The following PRELID2 variants were observed in gnomAD, a reference collection of about 807,000 sequenced individuals.
PRELID2 encodes the protein PRELI domain containing 2, also known as PRELI domain-containing protein 2.
A neutral mutation model predicts 28.4 loss-of-function variants in PRELID2; 25 were observed. The ratio of observed to expected loss-of-function variants is 0.88; its 90% CI spans 0.64 to 1.23. The LOEUF (loss-of-function observed/expected upper bound fraction) is 1.23. Among genes scored for constraint, PRELID2 ranks in the 50% most tolerant of loss-of-function variants. The pLI is 0.00. For missense variants in PRELID2, 201 were observed against 214.4 expected, an observed-to-expected ratio of 0.94 and a Z score of 0.39; for synonymous variants, 76 against 71.6, an observed-to-expected ratio of 1.06 and a Z score of -0.31.
At chr5:145,403,355 T>C in the PRELID2 span, among the ~76,000 whole-genome samples, 1 of 152,104 alleles carries the variant, frequency 6.6e-6, no homozygotes, top group Non-Finnish European at 1.5e-5. Flanking sequence ...CTGGGCAACA[T>C]AGTGAGACCC....
At chr5:145,595,161 GACACACACACACACAC>G (rs3038287) in intron 1 of PRELID2, among the ~76,000 whole-genome samples, 8 of 131,192 alleles carry the variant, frequency 6.1e-5, no homozygotes, top group East Asian at 2.2e-4. Flanking sequence ...AGTCATAATA[GACACACACACACACAC>G]ACACACACAC....
the PRELID2 span, among the ~76,000 whole-genome samples, chr5:145,336,501 GT>G: frequency 6.6e-6 from 1 of 151,902 alleles, no homozygotes; most frequent in Non-Finnish European, 1.5e-5. Flanking sequence ...TGGCTAGCCA[GT>G]TTTCCCAGCA....
At chr5:145,666,724 G>A (rs1276715965) in intron 1 of PRELID2, among the ~76,000 whole-genome samples, 2 of 152,046 alleles carry the variant, frequency 1.3e-5, no homozygotes, top group African/African-American at 4.8e-5. Context: ...TCCTCATTCT[G>A]TGAAGCAATT....
chr5:145,275,707 G>T, the PRELID2 span, among the ~76,000 whole-genome samples: 1 of 152,096 alleles, frequency 6.6e-6, no homozygotes, highest in Admixed American at 6.6e-5. Flanking sequence ...CTTTATTGGT[G>T]CATTGGGAGG....
intron 5 of PRELID2, among the ~76,000 whole-genome samples, chr5:145,769,552 G>T (rs935523743): frequency 1.3e-5 from 2 of 152,214 alleles, no homozygotes; most frequent in African/African-American, 4.8e-5. Context: ...TATGTAGGAG[G>T]CTTGGAAGAG....
At position 145,760,123 on chromosome 5, in the gene PRELID2, G is replaced by T. The variant is rs542944272; in HGVS notation, c.*413C>A. The T allele has an allele frequency of 1.5e-4, 23 of 152,120 alleles. No individual in the cohort carries two copies. The highest frequency in any genetic ancestry group is 5.3e-4 in the African/African-American group (22 of 41,492). The allele number at this position is 152,120 out of a possible 1,614,324, so 9.4% of individuals were successfully genotyped here. A position where few individuals can be genotyped will look rare whatever the true frequency, so the allele number is the denominator to read the frequency against. ...TCCAGAATCCCCTCACGAATCCTAG[G>T]AACAACGGTGCTGATAACATAAGGG... is the stretch of plus-strand genomic sequence containing the variant. On this transcript the variant is annotated 3_prime_UTR_variant, in exon 7 of 7. Coordinates refer to ENST00000683046, the MANE Select transcript of PRELID2 (RefSeq NM_205846.3).
At chr5:145,597,911 A>C (rs1753332996) in intron 1 of PRELID2, among the ~76,000 whole-genome samples, 1 of 152,200 alleles carries the variant, frequency 6.6e-6, no homozygotes, top group African/African-American at 2.4e-5. Flanking sequence ...GGAGATTTAT[A>C]AGCTATTTTC....
At chr5:145,541,778 T>C (rs1019636796) in intron 1 of PRELID2, among the ~76,000 whole-genome samples, 1 of 152,052 alleles carries the variant, frequency 6.6e-6, no homozygotes, top group African/African-American at 2.4e-5. Flanking sequence ...GGCTTTTTTA[T>C]GTCAAAAAGG....
intron 1 of PRELID2, among the ~76,000 whole-genome samples, chr5:145,568,329 C>A (rs1752986522): frequency 6.6e-6 from 1 of 152,134 alleles, no homozygotes; most frequent in African/African-American, 2.4e-5. Flanking sequence ...GTAAGCCAGC[C>A]ACCATATATT....
the PRELID2 span, among the ~76,000 whole-genome samples, chr5:145,296,163 G>GC: frequency 6.6e-6 from 1 of 150,890 alleles, no homozygotes; most frequent in Non-Finnish European, 1.5e-5. Context: ...ATTGTAGCAG[G>GC]TTTTTTTTGG....
At chr5:145,374,900 C>A in the PRELID2 span, among the ~76,000 whole-genome samples, 1 of 152,106 alleles carries the variant, frequency 6.6e-6, no homozygotes, top group African/African-American at 2.4e-5. Flanking sequence ...TATTAAGGTT[C>A]TTAGCTTCTT....
At chr5:145,551,998 G>T (rs1158911100) in intron 1 of PRELID2, among the ~76,000 whole-genome samples, 1 of 152,106 alleles carries the variant, frequency 6.6e-6, no homozygotes, top group African/African-American at 2.4e-5. Flanking sequence ...AAACTGGAGA[G>T]CTCACTGAAA....
intron 3 of PRELID2, chr5:145,819,730 A>T: frequency 1.7e-6 from 1 of 589,024 alleles, no homozygotes. Flanking sequence ...TATGTCCATT[A>T]AGAGTTCTTC....
chr5:145,657,150 GATA>G (rs1301852798), intron 1 of PRELID2, among the ~76,000 whole-genome samples: 1 of 151,926 alleles, frequency 6.6e-6, no homozygotes, highest in Non-Finnish European at 1.5e-5. Flanking sequence ...GGGTCAAACA[GATA>G]ATAATAATAA....
chr5:145,734,689 G>T (rs1032393635), intron 1 of PRELID2, among the ~76,000 whole-genome samples: 2 of 152,076 alleles, frequency 1.3e-5, no homozygotes, highest in African/African-American at 4.8e-5. Context: ...ACTTTTATTT[G>T]AATCACTACC....
At chr5:145,404,258 G>T in the PRELID2 span, among the ~76,000 whole-genome samples, 1 of 152,252 alleles carries the variant, frequency 6.6e-6, no homozygotes, top group East Asian at 1.9e-4. Flanking sequence ...AAGAAAGATG[G>T]CTTATTTTCC....
At chr5:145,414,368 A>G in the PRELID2 span, among the ~76,000 whole-genome samples, 2 of 152,322 alleles carry the variant, frequency 1.3e-5, no homozygotes, top group South Asian at 2.1e-4. Flanking sequence ...CATAACCACC[A>G]CAACGAAAGT....
the PRELID2 span, among the ~76,000 whole-genome samples, chr5:145,343,762 C>A: frequency 6.6e-6 from 1 of 151,292 alleles, no homozygotes; most frequent in Non-Finnish European, 1.5e-5. Context: ...ATCGATAAAC[C>A]ACTATGTAGA....
At chr5:145,386,524 A>T in the PRELID2 span, among the ~76,000 whole-genome samples, 1 of 152,022 alleles carries the variant, frequency 6.6e-6, no homozygotes, top group Non-Finnish European at 1.5e-5. Context: ...TTCCCCTTCC[A>T]TCATGATTGT....
Sources: gnomAD v4.1 joint callset for allele counts (sites outside exome capture counted in the v4.1 genomes callset) on GRCh38, gnomAD v4.1.1 for gene constraint, MANE v1.5 for transcripts, NCBI Gene and HGNC (gene_info 2026-07-23, HGNC 2026-07-21) for gene names.